Variants in SEMA3D observed in about 807,000 individuals in gnomAD.
The protein encoded by SEMA3D is semaphorin 3D, also known as semaphorin-3D.
A neutral mutation model predicts 100.1 loss-of-function variants in SEMA3D; 84 were observed. The ratio of observed to expected loss-of-function variants is 0.84; its 90% CI spans 0.70 to 1.01. The LOEUF is 1.01. SEMA3D is among the 50% of genes least tolerant of loss of function. The pLI is 0.00. For missense variants in SEMA3D, 875 were observed against 934.1 expected (o/e 0.94, Z 0.82); for synonymous variants, 312 against 320.7 (o/e 0.97, Z 0.29).
intron 1 of SEMA3D, among the ~76,000 whole-genome samples, chr7:85,162,135 C>T (rs942659985): frequency 4.6e-5 from 7 of 151,822 alleles, no homozygotes; most frequent in Admixed American, 3.9e-4. Context: ...TATTCCTCAT[C>T]CTCTGTTTCA....
the SEMA3D span, among the ~76,000 whole-genome samples, chr7:85,229,245 A>G: frequency 4.6e-5 from 7 of 152,068 alleles, no homozygotes; most frequent in African/African-American, 1.7e-4. Flanking sequence ...AAATTATGAG[A>G]CAAAATTTTT....
At chr7:85,207,583 G>A in the SEMA3D span, among the ~76,000 whole-genome samples, 1 of 151,870 alleles carries the variant, frequency 6.6e-6, no homozygotes, top group Non-Finnish European at 1.5e-5. Context: ...TTAAGACCTG[G>A]GTGAAAATTC....
chr7:85,190,593 G>T (rs770372009), upstream of SEMA3D, among the ~76,000 whole-genome samples: 23 of 151,816 alleles, frequency 1.5e-4, no homozygotes, highest in Non-Finnish European at 2.9e-4. Flanking sequence ...CTCATCACTG[G>T]ATCATTAGAT....
intron 11 of SEMA3D, 21 bp downstream of exon 11, chr7:85,040,652 A>G (rs1312342699): frequency 8.0e-7 from 1 of 1,247,496 alleles, no homozygotes; most frequent in South Asian, 1.2e-5. Flanking sequence ...TGAAGCATTA[A>G]AAGCATTTTG....
chr7:85,024,970 G>A (rs1790353405), intron 12 of SEMA3D, among the ~76,000 whole-genome samples: 1 of 151,980 alleles, frequency 6.6e-6, no homozygotes. Context: ...AAAGTGTAGG[G>A]AAATGATACA....
chr7:85,062,128 G>A (rs1447390178), intron 8 of SEMA3D, among the ~76,000 whole-genome samples: 1 of 152,124 alleles, frequency 6.6e-6, no homozygotes, highest in African/African-American at 2.4e-5. Flanking sequence ...ACACATATTC[G>A]AGCTTCAATC....
intron 1 of SEMA3D, among the ~76,000 whole-genome samples, chr7:85,171,845 G>A (rs1215834306): frequency 6.6e-6 from 1 of 151,806 alleles, no homozygotes; most frequent in Non-Finnish European, 1.5e-5. Context: ...GAATTGACTT[G>A]ACTCAGTTTT....
intron 3 of SEMA3D, among the ~76,000 whole-genome samples, chr7:85,120,777 T>C (rs1006446832): frequency 2.0e-5 from 3 of 151,524 alleles, no homozygotes; most frequent in African/African-American, 7.3e-5. Context: ...TACCAAAAAA[T>C]ATACTTCCAA....
chr7:85,076,203 T>C (rs566223439), intron 5 of SEMA3D, among the ~76,000 whole-genome samples: 73 of 152,192 alleles, frequency 4.8e-4, no homozygotes, highest in African/African-American at 1.7e-3. Context: ...TTATTCCTCC[T>C]ACCTACATGG....
upstream of SEMA3D, among the ~76,000 whole-genome samples, chr7:85,187,249 C>G (rs1053305179): frequency 1.1e-4 from 16 of 152,306 alleles, no homozygotes; most frequent in Admixed American, 2.6e-4. Flanking sequence ...TTTATCAGGA[C>G]AGGGCACCCT....
At chr7:85,053,813 TA>T in intron 9 of SEMA3D, among the ~76,000 whole-genome samples, 1 of 152,130 alleles carries the variant, frequency 6.6e-6, no homozygotes, top group South Asian at 2.1e-4. Context: ...CCTCTTTTTT[TA>T]AAAAATAAAT....
In SEMA3D at chr7:85,080,515, T is replaced by C. The variant is rs10281971; in HGVS notation, c.375+1002A>G. On this transcript the variant is annotated intron_variant, in intron 5 of 18. Coordinates refer to ENST00000284136, the MANE Select transcript of SEMA3D (RefSeq NM_001384900.1). Reference sequence around the variant, plus strand: ...AACTGAGCTTAATACCCCCGCATTATTGTGGTTAGAGGTACGATTAAAGGA... The same window carrying C: ...AACTGAGCTTAATACCCCCGCATTACTGTGGTTAGAGGTACGATTAAAGGA... Among the ~76,000 whole-genome samples the C allele has an allele frequency of 7.0e-3, 1,073 of 152,246 alleles. 14 individuals are homozygous for C. The highest frequency in any genetic ancestry group is 0.025 in the African/African-American group (1,024 of 41,562).
chr7:85,052,202 C>G (rs1791185768), intron 9 of SEMA3D, among the ~76,000 whole-genome samples: 1 of 152,016 alleles, frequency 6.6e-6, no homozygotes, highest in South Asian at 2.1e-4. Context: ...AACAGGTCTC[C>G]CAGTCACAAA....
the SEMA3D span, among the ~76,000 whole-genome samples, chr7:85,216,341 A>G: frequency 2.8e-5 from 4 of 144,930 alleles, no homozygotes; most frequent in African/African-American, 7.8e-5. Flanking sequence ...TTCAACTTGT[A>G]ACACAAATAA....
intron 2 of SEMA3D, chr7:85,144,666 T>A (rs1264195857): frequency 3.0e-6 from 3 of 985,172 alleles, no homozygotes; most frequent in Non-Finnish European, 3.6e-6. Flanking sequence ...AACATTTAAG[T>A]CAGCCTGGAG....
chr7:85,242,236 T>C, the SEMA3D span, among the ~76,000 whole-genome samples: 1 of 152,184 alleles, frequency 6.6e-6, no homozygotes, highest in Non-Finnish European at 1.5e-5. Flanking sequence ...AATTTGCTTT[T>C]CTTTTTGTAG....
chr7:85,004,892 T>C (rs1486829631), intron 18 of SEMA3D, among the ~76,000 whole-genome samples: 3 of 152,010 alleles, frequency 2.0e-5, no homozygotes, highest in Non-Finnish European at 4.4e-5. Flanking sequence ...ATTCGATAAG[T>C]ATTTCTGCTC....
At chr7:85,224,743 A>G in the SEMA3D span, among the ~76,000 whole-genome samples, 1 of 152,072 alleles carries the variant, frequency 6.6e-6, no homozygotes, top group Non-Finnish European at 1.5e-5. Context: ...ACTAATAAAC[A>G]TATAGTCAAA....
chr7:85,079,610 T>C (rs1441373526), intron 5 of SEMA3D, among the ~76,000 whole-genome samples: 1 of 152,088 alleles, frequency 6.6e-6, no homozygotes, highest in Non-Finnish European at 1.5e-5. Context: ...CTGGAATTAG[T>C]GAACATACCC....
Sources: allele counts gnomAD v4.1 joint callset (sites outside exome capture counted in the v4.1 genomes callset), GRCh38; gene constraint gnomAD v4.1.1; transcripts MANE v1.5; gene names NCBI Gene and HGNC (gene_info 2026-07-23, HGNC 2026-07-21).